The following PALM2AKAP2 variants were observed in gnomAD, a reference collection of about 807,000 sequenced individuals.
The protein encoded by PALM2AKAP2 is PALM2-AKAP2 fusion protein.
A neutral mutation model predicts 71.5 loss-of-function variants in PALM2AKAP2; 37 were observed. The observed-to-expected ratio is 0.52, with a 90% confidence interval of 0.40 to 0.68. PALM2AKAP2 has a LOEUF of 0.68. Among genes scored for constraint, PALM2AKAP2 ranks in the 30% least tolerant of loss-of-function variants. The pLI is 0.00. For synonymous variants in PALM2AKAP2, 468 were observed against 478.8 expected, an observed-to-expected ratio of 0.98 and a Z score of 0.29; for missense variants, 1,224 against 1,191.8, an observed-to-expected ratio of 1.03 and a Z score of -0.40.
chr9:109,826,366 AAAAT>A (rs996489412), intron 1 of PALM2AKAP2, among the ~76,000 whole-genome samples: 42 of 152,190 alleles, frequency 2.8e-4, no homozygotes, highest in Admixed American at 1.2e-3. Flanking sequence ...AAGTATAATA[AAAAT>A]AAATAAATAA....
chr9:109,743,874 T>A (rs971188791), intron 1 of PALM2AKAP2, among the ~76,000 whole-genome samples: 1 of 152,214 alleles, frequency 6.6e-6, no homozygotes, highest in Non-Finnish European at 1.5e-5. Flanking sequence ...ACTCAGTGAA[T>A]GAATAAAGAA....
chr9:109,723,276 C>T (rs567658944), intron 1 of PALM2AKAP2, among the ~76,000 whole-genome samples: 10 of 152,308 alleles, frequency 6.6e-5, no homozygotes, highest in African/African-American at 2.2e-4. Flanking sequence ...CCCCTGGCTC[C>T]TATAAGTCTA....
intron 1 of PALM2AKAP2, among the ~76,000 whole-genome samples, chr9:109,660,059 C>T (rs1326945213): frequency 1.3e-5 from 2 of 152,084 alleles, no homozygotes; most frequent in African/African-American, 4.8e-5. Flanking sequence ...GTCTCAAACT[C>T]CTGGGCTCAA....
intron 1 of PALM2AKAP2, among the ~76,000 whole-genome samples, chr9:110,079,511 AT>A (rs1470403784): frequency 4.6e-5 from 7 of 152,120 alleles, no homozygotes; most frequent in Non-Finnish European, 8.8e-5. Flanking sequence ...AGAAAAAAAA[AT>A]CTTCAAGTTG....
intron 1 of PALM2AKAP2, among the ~76,000 whole-genome samples, chr9:109,850,317 A>C (rs1828975665): frequency 6.6e-6 from 1 of 152,164 alleles, no homozygotes; most frequent in Admixed American, 6.5e-5. Flanking sequence ...TTTGAAATTT[A>C]GTGTAGCATT....
At chr9:110,006,320 C>CTCTTTCTTTCTTT (rs1238150373) in intron 6 of PALM2AKAP2, among the ~76,000 whole-genome samples, 2 of 82,600 alleles carry the variant, frequency 2.4e-5, no homozygotes, top group African/African-American at 4.5e-5. Flanking sequence ...TTCCTTCCTT[C>CTCTTTCTTTCTTT]CTTCTCTTTC....
chr9:109,848,190 A>T (rs2131613388), intron 1 of PALM2AKAP2, among the ~76,000 whole-genome samples: 2 of 152,322 alleles, frequency 1.3e-5, no homozygotes, highest in Non-Finnish European at 2.9e-5. Context: ...GCTCTTCTTC[A>T]GCCCTGGGAG....
At chr9:109,746,696 T>G (rs7848345) in intron 1 of PALM2AKAP2, among the ~76,000 whole-genome samples, 31,036 of 151,352 alleles carry the variant, frequency 0.21, 3,554 homozygotes, top group East Asian at 0.37. Flanking sequence ...CTGCTGTAAA[T>G]GCTTTAGATC....
chr9:109,972,165 T>C (rs4978864), intron 6 of PALM2AKAP2, among the ~76,000 whole-genome samples: 26,488 of 152,132 alleles, frequency 0.17, 2,601 homozygotes, highest in East Asian at 0.42. Flanking sequence ...TGCAGGGCCT[T>C]GCCTATAAAT....
At chr9:109,849,049 T>C (rs1397697238) in intron 1 of PALM2AKAP2, among the ~76,000 whole-genome samples, 2 of 151,648 alleles carry the variant, frequency 1.3e-5, no homozygotes, top group African/African-American at 2.4e-5. Flanking sequence ...TGACTCCACA[T>C]AGAGGAGAGG....
At chr9:110,162,323 A>G (rs1836621802) in intron 3 of PALM2AKAP2, among the ~76,000 whole-genome samples, 191 bp downstream of exon 10, 1 of 152,138 alleles carries the variant, frequency 6.6e-6, no homozygotes, top group African/African-American at 2.4e-5. Flanking sequence ...ACAGTGATAT[A>G]CAATGGTGTG....
At chr9:110,072,594 G>T (rs1834228380) in intron 1 of PALM2AKAP2, among the ~76,000 whole-genome samples, 1 of 152,244 alleles carries the variant, frequency 6.6e-6, no homozygotes, top group Admixed American at 6.5e-5. Context: ...GTTTGAGTGA[G>T]ATTTGGAGTT....
chr9:109,790,014 A>G (rs1827069766), intron 1 of PALM2AKAP2, among the ~76,000 whole-genome samples: 1 of 152,196 alleles, frequency 6.6e-6, no homozygotes, highest in Non-Finnish European at 1.5e-5. Context: ...CACTGTTTCT[A>G]TAGGATCATA....
chr9:109,668,724 T>C (rs1827529400), intron 1 of PALM2AKAP2, among the ~76,000 whole-genome samples: 1 of 152,234 alleles, frequency 6.6e-6, no homozygotes, highest in South Asian at 2.1e-4. Flanking sequence ...GTTTTAGTTA[T>C]ATGAGGGCTT....
chr9:109,908,884 C>A (rs966280773), intron 3 of PALM2AKAP2, among the ~76,000 whole-genome samples: 1 of 150,786 alleles, frequency 6.6e-6, no homozygotes, highest in Admixed American at 6.6e-5. Flanking sequence ...TATCACAGAG[C>A]GCTGGATTTA....
intron 1 of PALM2AKAP2, among the ~76,000 whole-genome samples, chr9:110,096,266 T>C (rs1337684042): frequency 6.6e-6 from 1 of 152,160 alleles, no homozygotes; most frequent in African/African-American, 2.4e-5. Flanking sequence ...TTGTTTGTTT[T>C]GATTTTTGTC....
At chr9:110,169,083 A>G (rs941870865) in exon 4 of PALM2AKAP2, 1 of 152,680 alleles carries the variant, frequency 6.5e-6, no homozygotes, top group Non-Finnish European at 1.5e-5. Flanking sequence ...ATTGAGAACA[A>G]CTCATGATCA....
chr9:109,917,408 G>A lies in PALM2AKAP2; in HGVS notation c.258-6327G>A, dbSNP rs74891479. 1.7e-3 allele frequency among the ~76,000 whole-genome samples: 258 copies of A among 151,686 alleles called. 6 individuals are homozygous for A. In the East Asian group the frequency reaches 0.043, roughly 26 times the overall value. On this transcript the variant is annotated intron_variant, in intron 3 of 9. Coordinates refer to the PALM2AKAP2 transcript ENST00000302798. ...TATAGCAGGAATTGGAAACGAATGC[G>A]TCTCTTTAGCACCAGGTCCCTGTAC...
At chr9:109,759,637 C>A (rs1481891224) in intron 1 of PALM2AKAP2, among the ~76,000 whole-genome samples, 2 of 152,088 alleles carry the variant, frequency 1.3e-5, no homozygotes, top group Non-Finnish European at 2.9e-5. Context: ...TAATTGTAAT[C>A]TTTTAGGCCC....
Sources: allele counts gnomAD v4.1 joint callset (sites outside exome capture counted in the v4.1 genomes callset), GRCh38; gene constraint gnomAD v4.1.1; transcripts MANE v1.5; gene names NCBI Gene and HGNC (gene_info 2026-07-23, HGNC 2026-07-21).